The following ITGA4 variants were observed in gnomAD, a reference collection of about 807,000 sequenced individuals.
ITGA4 encodes the protein integrin alpha-4.
Under a neutral mutation model 133.6 loss-of-function variants are expected in ITGA4, and 63 were observed. The ratio of observed to expected loss-of-function variants is 0.47; its 90% CI spans 0.38 to 0.58. The LOEUF is 0.58. Among genes scored for constraint, ITGA4 ranks in the 20% least tolerant of loss-of-function variants. ITGA4 has a pLI of 0.00. For synonymous variants in ITGA4, 483 were observed against 438.0 expected (o/e 1.10, Z -1.28); for missense variants, 1,076 against 1,252.7 (o/e 0.86, Z 2.13).
Position 181,534,796 on chromosome 2 carries a change from A to G in ITGA4, c.2884-20A>G. 6 of 1,506,718 alleles carry G rather than the reference A, an allele frequency of 4.0e-6. No individual in the cohort carries two copies. Among genetic ancestry groups the G allele is most frequent in the Non-Finnish European group, 5.3e-6 (6 of 1,127,168 alleles). The allele number at this position is 1,506,718 out of a possible 1,614,324, so 93.3% of individuals were successfully genotyped here. ...TTTTTTTTTTTGGTTTTTGAGTTTT[A>G]TTTTTCTTAACTCACGTAGGTTCTA... On this transcript the variant is annotated intron_variant, in intron 26 of 27. Coordinates refer to ENST00000397033, the MANE Select transcript of ITGA4 (RefSeq NM_000885.6).
At chr2:181,532,140 C>T (rs977374270) in intron 25 of ITGA4, among the ~76,000 whole-genome samples, 4 of 152,108 alleles carry the variant, frequency 2.6e-5, no homozygotes, top group African/African-American at 9.7e-5. Flanking sequence ...TTCCATTGGC[C>T]TCTGTATCTG....
chr2:181,475,727 T>C, intron 4 of ITGA4: 1 of 1,480,112 alleles, frequency 6.8e-7, no homozygotes, highest in Non-Finnish European at 9.1e-7. Flanking sequence ...GCACTCACTA[T>C]CTCTTTTTCT....
In ITGA4 at chr2:181,530,562, A is replaced by T. The variant is rs1388444917; in HGVS notation, c.2577A>T (p.Arg859Ser). The change falls in exon 24 of 28, where the codon AGA becomes AGT. Residue 859 changes from arginine to serine, a missense_variant. Coordinates refer to ENST00000397033, the MANE Select transcript of ITGA4 (RefSeq NM_000885.6). ...AATGCCACTTTGAAAATTATCAAAG[A>T]GTGTGTGCATTAGAGCAGCAAAAGA... ...TGECHFENYQ[R>S]VCALEQQKSA... is the part of the protein sequence containing the mutation. 1.2e-6 allele frequency: 2 copies of T among 1,612,940 alleles called. No homozygotes were observed. Among genetic ancestry groups the T allele is most frequent in the South Asian group, 1.1e-5 (1 of 91,010 alleles).
At position 181,482,544 on chromosome 2, in the gene ITGA4, G is replaced by T; in HGVS notation, c.934G>T (p.Ala312Ser). 2 of 1,613,864 alleles carry T rather than the reference G, an allele frequency of 1.2e-6. No homozygotes were observed. Among genetic ancestry groups the T allele is most frequent in the Non-Finnish European group, 1.7e-6 (2 of 1,179,830 alleles). Residue 312 changes from alanine to serine, a missense_variant, in exon 9 of 28, where the codon GCT becomes TCT. Around this residue, in one of 4 missense-constraint regions of ITGA4, gnomAD observed 436 missense variants for 590.7 expected, o/e 0.74. Transcript: ENST00000397033. Reference sequence around the variant, plus strand: ...ATCGTACTTTGGAGCTTCTGTCTGTGCTGTGGACCTCAATGCAGATGGCTT... The same window carrying T: ...ATCGTACTTTGGAGCTTCTGTCTGTTCTGTGGACCTCAATGCAGATGGCTT... Reference protein sequence around the residue: ...LGSYFGASVCAVDLNADGFSD... With the variant: ...LGSYFGASVCSVDLNADGFSD...
At chr2:181,457,378 T>A (rs1403064673), upstream of ITGA4, 2 of 393,154 alleles carry the variant, frequency 5.1e-6, no homozygotes, top group African/African-American at 2.2e-5. Flanking sequence ...CAGCGGCCCG[T>A]ACCCGGAGAA....
At chr2:181,521,009 C>A (rs1365382705) in intron 17 of ITGA4, among the ~76,000 whole-genome samples, 1 of 152,110 alleles carries the variant, frequency 6.6e-6, no homozygotes, top group Non-Finnish European at 1.5e-5. Context: ...TTTATTCAAA[C>A]ACTAATCTTC....
At position 181,537,150 on chromosome 2, in the gene ITGA4, G is replaced by T; in HGVS notation, c.*1623G>T. ...AAAAAACTTTGTATCGTTATAAAAA[G>T]GCTAGTCATTCTTTCAGGAGAACAT... On this transcript the variant is annotated 3_prime_UTR_variant, in exon 28 of 28. Transcript: ENST00000397033. 2.2e-6 allele frequency: 1 copy of T among 453,816 alleles called. No homozygotes were observed. 28.1% of individuals were successfully genotyped at this position (453,816 alleles called of 1,614,324 possible).
chr2:181,526,362 GA>G (rs1686830194), intron 21 of ITGA4, among the ~76,000 whole-genome samples: 1 of 152,122 alleles, frequency 6.6e-6, no homozygotes, highest in African/African-American at 2.4e-5. Context: ...CCTGTTTCAT[GA>G]GTTTCTAATT....
In ITGA4 at chr2:181,538,738, C is replaced by T. The variant is rs1687335395; in HGVS notation, c.*3211C>T. ...CTAAGATGGAAGGATAAAAATCTAA[C>T]ACTTTACTATTCAGATGGCTCCACT... On this transcript the variant is annotated 3_prime_UTR_variant, in exon 28 of 28. Transcript: ENST00000397033. Among the ~76,000 whole-genome samples the T allele has an allele frequency of 6.6e-6, 1 of 152,136 alleles. No homozygotes were observed. Among genetic ancestry groups the T allele is most frequent in the African/African-American group, 2.4e-5 (1 of 41,434 alleles).
At chr2:181,477,435 G>A (rs1316708069) in intron 4 of ITGA4, among the ~76,000 whole-genome samples, 1 of 152,086 alleles carries the variant, frequency 6.6e-6, no homozygotes, top group Admixed American at 6.6e-5. Context: ...TCTGCAGAAT[G>A]GGAAATAATA....
chr2:181,478,391 C>G (rs1203748701), intron 4 of ITGA4, among the ~76,000 whole-genome samples: 2 of 152,018 alleles, frequency 1.3e-5, no homozygotes, highest in African/African-American at 4.8e-5. Context: ...AGTGTAGTAA[C>G]TGTTTCACTA....
rs761083441 is a variant in ITGA4, at chr2:181,478,743, A to G, written c.557-14A>G. On this transcript the variant is annotated splice_polypyrimidine_tract_variant and intron_variant, in intron 4 of 27. Transcript: ENST00000397033. ...TAAGATAAAATTCTGAGTTGTTTTA[A>G]TATTTCATTTTAGATTATGTGAAAA... 6 of 1,216,482 alleles carry G rather than the reference A, an allele frequency of 4.9e-6. No homozygotes were observed. The highest frequency in any genetic ancestry group is 2.5e-5 in the East Asian group (1 of 40,154). 75.4% of individuals were successfully genotyped at this position (1,216,482 alleles called of 1,614,324 possible).
chr2:181,511,564 A>G (rs1358054538), intron 16 of ITGA4, 135 bp from the exon 17 acceptor site: 1 of 552,626 alleles, frequency 1.8e-6, no homozygotes, highest in African/African-American at 1.9e-5. Flanking sequence ...TTTAAAAGAG[A>G]TAAAATAAAG....
At chr2:181,487,056 A>G (rs926660783) in intron 10 of ITGA4, among the ~76,000 whole-genome samples, 1 of 152,246 alleles carries the variant, frequency 6.6e-6, no homozygotes, top group Non-Finnish European at 1.5e-5. Context: ...AACGTAAAAT[A>G]GTGTAACTTG....
chr2:181,534,366 C>T lies in ITGA4; in HGVS notation c.2879C>T (p.Ala960Val), dbSNP rs200589484. ...GAACTAAACAAGGATGAGAATGTTGCGCATGTAAGATTACCCTCTTAACTG... is the reference window on the plus strand; with the variant it reads ...GAACTAAACAAGGATGAGAATGTTGTGCATGTAAGATTACCCTCTTAACTG... ...VIELNKDENV[A>V]HVLLEGLHHQ... The change falls in exon 26 of 28, where the codon GCG becomes GTG. Residue 960 changes from alanine to valine, a missense_variant. Ala to Val is a moderately conservative substitution (Grantham distance 64, BLOSUM62 0). Coordinates refer to ENST00000397033, the MANE Select transcript of ITGA4 (RefSeq NM_000885.6). The T allele has an allele frequency of 2.7e-4, 421 of 1,561,362 alleles. No homozygotes were observed. Among genetic ancestry groups the T allele is most frequent in the Non-Finnish European group, 3.5e-4 (395 of 1,133,250 alleles).
intron 10 of ITGA4, among the ~76,000 whole-genome samples, chr2:181,491,256 C>CAACCACTTCACTACCAAG (rs145466220): frequency 4.7e-5 from 1 of 21,332 alleles, no homozygotes; most frequent in African/African-American, 1.0e-4. Context: ...AGAATTACAT[C>CAACCACTTCACTACCAAG]GCCGGGCGCG....
chr2:181,458,642 C>G (rs947937736), intron 2 of ITGA4: 5 of 292,924 alleles, frequency 1.7e-5, no homozygotes, highest in African/African-American at 1.1e-4. Context: ...GTATTAAGGA[C>G]AGGATCCAGC....
At chr2:181,496,647 T>C (rs1009665979) in intron 14 of ITGA4, among the ~76,000 whole-genome samples, 1 of 152,210 alleles carries the variant, frequency 6.6e-6, no homozygotes, top group Non-Finnish European at 1.5e-5. Context: ...TCCCAAATCA[T>C]GTATATATGA....
intron 16 of ITGA4, among the ~76,000 whole-genome samples, chr2:181,511,148 C>A (rs1026328322): frequency 6.6e-6 from 1 of 151,912 alleles, no homozygotes; most frequent in Non-Finnish European, 1.5e-5. Context: ...CTTCCTAGGT[C>A]CTTTGTAGTA....
Sources: gnomAD v4.1 joint callset for allele counts (sites outside exome capture counted in the v4.1 genomes callset) on GRCh38, gnomAD v4.1.1 for gene constraint, gnomAD v4.1.1 regional missense constraint, MANE v1.5 for transcripts, NCBI Gene and HGNC (gene_info 2026-07-23, HGNC 2026-07-21) for gene names.